Variants in TRPS1 observed in about 807,000 individuals in gnomAD.
TRPS1 encodes transcriptional repressor GATA binding 1, also known as zinc finger transcription factor Trps1.
In TRPS1, 6 loss-of-function variants were observed where a neutral mutation model predicts 101.2. The observed-to-expected ratio is 0.06, with a 90% CI of 0.03 to 0.12. TRPS1 has a LOEUF of 0.12. Among genes scored for constraint, TRPS1 ranks in the 10% least tolerant of loss-of-function variants. The pLI is 1.00. For missense variants in TRPS1, 1,363 were observed against 1,567.0 expected (o/e 0.87, Z 2.20); for synonymous variants, 578 against 589.8 (o/e 0.98, Z 0.29).
chr8:115,591,256 G>T (rs1817673929), intron 4 of TRPS1, among the ~76,000 whole-genome samples: 1 of 152,130 alleles, frequency 6.6e-6, no homozygotes, highest in Non-Finnish European at 1.5e-5. Context: ...ATTCATTAAA[G>T]TTGTTTAGAA....
intron 5 of TRPS1, among the ~76,000 whole-genome samples, chr8:115,517,902 T>C (rs1439980192): frequency 6.6e-6 from 1 of 151,760 alleles, no homozygotes; most frequent in Non-Finnish European, 1.5e-5. Context: ...TAATTGCATT[T>C]GTGTTAATTT....
chr8:115,434,687 A>C (rs1813406489), intron 5 of TRPS1, among the ~76,000 whole-genome samples: 1 of 152,190 alleles, frequency 6.6e-6, no homozygotes, highest in Non-Finnish European at 1.5e-5. Flanking sequence ...CTAGCCATAA[A>C]CATTGGTTTC....
intron 5 of TRPS1, among the ~76,000 whole-genome samples, chr8:115,425,473 T>A (rs1270194304): frequency 6.6e-6 from 1 of 152,206 alleles, no homozygotes; most frequent in East Asian, 1.9e-4. Flanking sequence ...AGAACAGTTT[T>A]TGTTCCAGGA....
At chr8:115,486,112 C>T (rs7002302) in intron 5 of TRPS1, among the ~76,000 whole-genome samples, 18,712 of 152,146 alleles carry the variant, frequency 0.12, 3,675 homozygotes, top group African/African-American at 0.42. Flanking sequence ...CCCAACAGCA[C>T]GTGCTCACTT....
At chr8:115,505,870 T>C (rs1024590321) in intron 5 of TRPS1, among the ~76,000 whole-genome samples, 1 of 152,106 alleles carries the variant, frequency 6.6e-6, no homozygotes, top group Non-Finnish European at 1.5e-5. Context: ...TTTTTTTAAA[T>C]GTGTATGTTT....
chr8:115,571,729 G>T (rs906410797), intron 5 of TRPS1, among the ~76,000 whole-genome samples: 1 of 152,034 alleles, frequency 6.6e-6, no homozygotes, highest in African/African-American at 2.4e-5. Context: ...TAAGAGAAAT[G>T]ATTAGCGAAT....
intron 5 of TRPS1, among the ~76,000 whole-genome samples, chr8:115,441,898 A>AGAGTGT (rs1554620719): frequency 1.8e-4 from 21 of 116,190 alleles, no homozygotes; most frequent in African/African-American, 5.8e-4. Flanking sequence ...AGAGAGAGAG[A>AGAGTGT]GTGTGTGTGT....
At chr8:115,420,182 G>A (rs144198948) in intron 5 of TRPS1, among the ~76,000 whole-genome samples, 11 of 152,264 alleles carry the variant, frequency 7.2e-5, no homozygotes, top group African/African-American at 2.4e-4. Flanking sequence ...GACCAGGAAT[G>A]TATCATGAGT....
chr8:115,422,233 G>A (rs1437008478), intron 5 of TRPS1, among the ~76,000 whole-genome samples: 1 of 152,116 alleles, frequency 6.6e-6, no homozygotes, highest in East Asian at 1.9e-4. Context: ...AGGAAAAAAA[G>A]TAGTGTTTGT....
chr8:115,538,798 T>A (rs2130299590), intron 5 of TRPS1, among the ~76,000 whole-genome samples: 1 of 152,284 alleles, frequency 6.6e-6, no homozygotes, highest in East Asian at 1.9e-4. Flanking sequence ...ACAATTAATC[T>A]GAGATTCAGA....
At chr8:115,520,865 TC>T (rs1050889858) in intron 5 of TRPS1, among the ~76,000 whole-genome samples, 74 of 152,022 alleles carry the variant, frequency 4.9e-4, no homozygotes, top group African/African-American at 1.8e-3. Context: ...AAGCAGTTTT[TC>T]CATCTCACTA....
At chr8:115,425,233 G>A (rs1182759700) in intron 5 of TRPS1, among the ~76,000 whole-genome samples, 1 of 152,114 alleles carries the variant, frequency 6.6e-6, no homozygotes, top group Non-Finnish European at 1.5e-5. Flanking sequence ...GTTGAAATGG[G>A]CTGTACTGCA....
At chr8:115,537,387 T>C (rs1336839045) in intron 5 of TRPS1, among the ~76,000 whole-genome samples, 1 of 152,130 alleles carries the variant, frequency 6.6e-6, no homozygotes, top group Non-Finnish European at 1.5e-5. Context: ...GCAGCCAAAA[T>C]TTCAAAATCA....
chr8:115,540,370 T>TGG (rs1392585463), intron 5 of TRPS1, among the ~76,000 whole-genome samples: 1 of 152,200 alleles, frequency 6.6e-6, no homozygotes, highest in African/African-American at 2.4e-5. Context: ...GGATGACTGG[T>TGG]GGTTGGTTCT....
rs1817320283 is a variant in TRPS1, at chr8:115,576,359, A to C, written c.2700+10642T>G. On this transcript the variant is annotated intron_variant, in intron 5 of 6. Coordinates refer to ENST00000395715, the MANE Select transcript of TRPS1 (RefSeq NM_014112.5). Reference sequence around the variant, plus strand: ...TCAGCATCATTACGTCCAAAATATAAGATTTTGTCTTAAAGTTGCCTCGGG... The same window carrying C: ...TCAGCATCATTACGTCCAAAATATACGATTTTGTCTTAAAGTTGCCTCGGG... 2.0e-5 allele frequency among the ~76,000 whole-genome samples: 3 copies of C among 152,040 alleles called. No individual in the cohort carries two copies. The South Asian group carries it at 6.2e-4, about 32-fold the overall frequency.
intron 1 of TRPS1, among the ~76,000 whole-genome samples, chr8:115,658,119 T>C (rs1225786636): frequency 6.6e-6 from 1 of 152,082 alleles, no homozygotes; most frequent in Non-Finnish European, 1.5e-5. Flanking sequence ...TTCTTTAGCA[T>C]CCTAAAATCA....
At chr8:115,645,523 A>C (rs1819005019) in intron 1 of TRPS1, among the ~76,000 whole-genome samples, 1 of 152,188 alleles carries the variant, frequency 6.6e-6, no homozygotes, top group Admixed American at 6.6e-5. Context: ...TGAGGTATTC[A>C]AAATTAAAAC....
At chr8:115,417,648 G>A (rs1258635143) in intron 6 of TRPS1, among the ~76,000 whole-genome samples, 2 of 152,090 alleles carry the variant, frequency 1.3e-5, no homozygotes, top group Admixed American at 6.6e-5. Flanking sequence ...ACTAAAATTT[G>A]AGGAAAAGTA....
intron 5 of TRPS1, among the ~76,000 whole-genome samples, chr8:115,576,183 A>G (rs1024391591): frequency 3.9e-5 from 6 of 152,002 alleles, no homozygotes; most frequent in Non-Finnish European, 7.4e-5. Context: ...CAAATAATAC[A>G]ATTTTTGAAG....
Sources: gnomAD v4.1 joint callset for allele counts (sites outside exome capture counted in the v4.1 genomes callset) on GRCh38, gnomAD v4.1.1 for gene constraint, MANE v1.5 for transcripts, NCBI Gene and HGNC (gene_info 2026-07-23, HGNC 2026-07-21) for gene names.